The following CFAP54 variants were observed in gnomAD, a reference collection of about 807,000 sequenced individuals.
CFAP54 encodes cilia and flagella associated protein 54.
Under a neutral mutation model 370.4 loss-of-function variants are expected in CFAP54, and 290 were observed. That is an observed-to-expected ratio of 0.78 (90% CI 0.71 to 0.86). The LOEUF (loss-of-function observed/expected upper bound fraction) is 0.86. Among genes scored for constraint, CFAP54 ranks in the 40% least tolerant of loss-of-function variants. The pLI, the probability that CFAP54 is intolerant of heterozygous loss-of-function variation, is 0.00. For missense variants in CFAP54, 3,399 were observed against 3,528.7 expected (o/e 0.96, Z 0.93); for synonymous variants, 1,206 against 1,236.5 (o/e 0.98, Z 0.52).
At chr12:96,671,664 G>C (rs190660084) in intron 39 of CFAP54, among the ~76,000 whole-genome samples, 1 of 152,316 alleles carries the variant, frequency 6.6e-6, no homozygotes, top group South Asian at 2.1e-4. Flanking sequence ...GCTTACGCCT[G>C]TAATCCCAGC....
chr12:96,866,280 G>A (rs1328186210), intron 67 of CFAP54, among the ~76,000 whole-genome samples: 1 of 152,050 alleles, frequency 6.6e-6, no homozygotes, highest in Non-Finnish European at 1.5e-5. Context: ...TGATTAAGAA[G>A]AAGGTTTCAG....
Position 96,644,358 on chromosome 12 carries a change from G to C in CFAP54, c.4497G>C (p.Lys1499Asn). The C allele has an allele frequency of 6.5e-7, 1 of 1,535,992 alleles. No individual in the cohort carries two copies. The highest frequency in any genetic ancestry group is 1.4e-5 in the African/African-American group (1 of 73,160). The change falls in exon 33 of 68, where the codon AAG becomes AAC. Residue 1499 changes from lysine (K) to asparagine (N), a missense_variant. Physicochemically the swap from Lys to Asn is moderately conservative, Grantham distance 94. Transcript: ENST00000524981. ...CACACTTTAACCTGGTTTTACAAAA[G>C]CTATGGGAGTGTACGAAGATGAAAT... is the stretch of plus-strand genomic sequence containing the variant. ...AGAHFNLVLQ[K>N]LWECTKMKFG...
chr12:96,699,751 G>A (rs1957472157), intron 45 of CFAP54, among the ~76,000 whole-genome samples: 1 of 152,148 alleles, frequency 6.6e-6, no homozygotes, highest in Admixed American at 6.5e-5. Flanking sequence ...ACAGCCGCCT[G>A]CTGTTGTTAG....
rs71068819 is a variant in CFAP54 at position 96,621,875 on chromosome 12, G to GTTTTTTTTTTTT, written c.3771+175_3771+186dup. On this transcript the variant is annotated intron_variant, in intron 27 of 67. Transcript: ENST00000524981. ...ATTATAGTAAAGAGCTTTTGGGTTT[G>GTTTTTTTTTTTT]TTTTTTTTTTTTTTTTTTTTTTTTT... is the stretch of plus-strand genomic sequence containing the variant. Among the ~76,000 whole-genome samples, 446 of 50,024 alleles carry GTTTTTTTTTTTT rather than the reference G, an allele frequency of 8.9e-3. 73 individuals carry two copies. Among genetic ancestry groups the GTTTTTTTTTTTT allele is most frequent in the East Asian group, 0.038 (45 of 1,186 alleles). The allele number at this position is 50,024 out of a possible 152,430, so 32.8% of individuals were successfully genotyped here.
At chr12:96,758,194 G>A (rs774547128) in intron 58 of CFAP54, among the ~76,000 whole-genome samples, 2 of 152,110 alleles carry the variant, frequency 1.3e-5, no homozygotes, top group Non-Finnish European at 2.9e-5. Flanking sequence ...GATCAGAGGA[G>A]GAAAGGTGGG....
intron 65 of CFAP54, among the ~76,000 whole-genome samples, chr12:96,821,738 T>C (rs564033726): frequency 7.1e-4 from 107 of 151,554 alleles, no homozygotes; most frequent in African/African-American, 2.5e-3. Flanking sequence ...TTCTGGGTTG[T>C]ATCAGATAAA....
chr12:96,704,470 A>G (rs1197360269), intron 46 of CFAP54, among the ~76,000 whole-genome samples: 22 of 91,644 alleles, frequency 2.4e-4, no homozygotes, highest in South Asian at 1.0e-3. Flanking sequence ...ATATATATAT[A>G]TATATATATA....
chr12:96,647,305 CT>C (rs1373765437), intron 33 of CFAP54, among the ~76,000 whole-genome samples: 2 of 150,904 alleles, frequency 1.3e-5, no homozygotes, highest in African/African-American at 4.9e-5. Flanking sequence ...AACACTGCCT[CT>C]ACTAAAAATA....
At chr12:96,872,876 A>T (rs1960204816) in intron 67 of CFAP54, among the ~76,000 whole-genome samples, 1 of 152,182 alleles carries the variant, frequency 6.6e-6, no homozygotes, top group African/African-American at 2.4e-5. Flanking sequence ...TCCCCAAACT[A>T]AGACAGCTCC....
At chr12:96,863,946 TC>T (rs1421468755) in intron 67 of CFAP54, among the ~76,000 whole-genome samples, 1 of 152,110 alleles carries the variant, frequency 6.6e-6, no homozygotes, top group African/African-American at 2.4e-5. Flanking sequence ...ATTCCAAAAT[TC>T]CCCATCTTTT....
intron 27 of CFAP54, among the ~76,000 whole-genome samples, chr12:96,622,118 A>G (rs1426725141): frequency 6.6e-6 from 1 of 151,800 alleles, no homozygotes; most frequent in Non-Finnish European, 1.5e-5. Flanking sequence ...GAGTTTTTTT[A>G]CTTTGTGTTC....
chr12:96,539,893 AAATTT>A (rs1565889813), intron 13 of CFAP54, among the ~76,000 whole-genome samples: 1 of 152,162 alleles, frequency 6.6e-6, no homozygotes, highest in Admixed American at 6.5e-5. Flanking sequence ...TTAGGAGAAA[AAATTT>A]AATAATAACA....
chr12:96,675,273 C>G (rs1001764107), intron 39 of CFAP54, among the ~76,000 whole-genome samples: 4 of 152,176 alleles, frequency 2.6e-5, no homozygotes, highest in Non-Finnish European at 5.9e-5. Context: ...AACAAGTTGG[C>G]AAAGGATATG....
intron 36 of CFAP54, among the ~76,000 whole-genome samples, chr12:96,653,623 C>T (rs540247244): frequency 3.4e-4 from 52 of 151,334 alleles, no homozygotes; most frequent in African/African-American, 7.8e-4. Context: ...AGGGCATAGA[C>T]GGAAATTTAT....
chr12:96,651,668 A>T lies in CFAP54; in HGVS notation c.4953A>T (p.Gln1651His). 1 of 1,614,146 alleles carries T rather than the reference A, an allele frequency of 6.2e-7. No homozygotes were observed. Residue 1651 changes from glutamine to histidine, a missense_variant, in exon 36 of 68, where the codon CAA becomes CAT. By Grantham distance (24) the Gln-to-His change is conservative. Transcript: ENST00000524981. The part of the protein sequence containing the change: ...RALWNFTQEL[Q>H]ILLKQAVDLD... ...TATGGAACTTTACTCAGGAACTACAAATACTTCTTAAACAGGCAGTGGATC... is the reference window on the plus strand; with the variant it reads ...TATGGAACTTTACTCAGGAACTACATATACTTCTTAAACAGGCAGTGGATC...
In CFAP54 at chr12:96,572,798, T is replaced by G. The variant is rs915156748; in HGVS notation, c.2620-3787T>G. ...TCTATTTTGGGGTAGAAATGGAGCC[T>G]TCTGATTTTTAAATAAACTCCATAG... On this transcript the variant is annotated intron_variant, in intron 19 of 67. Coordinates refer to ENST00000524981, the MANE Select transcript of CFAP54 (RefSeq NM_001306084.2). 8 of 922,484 alleles carry G rather than the reference T, an allele frequency of 8.7e-6. No homozygotes were observed. In the African/African-American group the frequency reaches 1.4e-4, roughly 16 times the overall value. 57.1% of individuals were successfully genotyped at this position (922,484 alleles called of 1,614,324 possible).
intron 32 of CFAP54, among the ~76,000 whole-genome samples, chr12:96,635,173 T>TA (rs1330417794): frequency 6.6e-6 from 1 of 152,228 alleles, no homozygotes; most frequent in African/African-American, 2.4e-5. Context: ...AACTTGTCTA[T>TA]AATATGAATT....
At chr12:96,874,806 T>G (rs1240493359) in intron 67 of CFAP54, among the ~76,000 whole-genome samples, 1 of 151,512 alleles carries the variant, frequency 6.6e-6, no homozygotes, top group East Asian at 1.9e-4. Context: ...ACTTTTTGTA[T>G]TTTTAGTAGA....
At chr12:96,709,453 A>G (rs960139458) in intron 48 of CFAP54, among the ~76,000 whole-genome samples, 4 of 152,188 alleles carry the variant, frequency 2.6e-5, no homozygotes, top group Non-Finnish European at 4.4e-5. Context: ...ACCATTCAGT[A>G]TGATGTTAAC....
Sources: gnomAD v4.1 joint callset for allele counts (sites outside exome capture counted in the v4.1 genomes callset) on GRCh38, gnomAD v4.1.1 for gene constraint, MANE v1.5 for transcripts, NCBI Gene and HGNC (gene_info 2026-07-23, HGNC 2026-07-21) for gene names.